APLF: variants seen among roughly 807,000 people sequenced by gnomAD.
APLF encodes the protein aprataxin and PNKP like factor, also known as aprataxin and PNK-like factor.
Under a neutral mutation model 55.6 loss-of-function variants are expected in APLF, and 61 were observed. That is an observed-to-expected ratio of 1.10 (90% confidence interval 0.89 to 1.36). The LOEUF is 1.36. Among genes scored for constraint, APLF ranks in the 40% most tolerant of loss-of-function variants. The pLI, the probability that APLF is intolerant of heterozygous loss-of-function variation, is 0.00. For missense variants in APLF, 611 were observed against 602.5 expected (o/e 1.01, Z -0.15); for synonymous variants, 207 against 214.8 (o/e 0.96, Z 0.32).
In APLF at chr2:68,578,750, C is replaced by G; in HGVS notation, c.*728C>G. 2.0e-6 allele frequency: 2 copies of G among 985,102 alleles called. No homozygotes were observed. Among genetic ancestry groups the G allele is most frequent in the Non-Finnish European group, 2.4e-6 (2 of 829,802 alleles). The allele number at this position is 985,102 out of a possible 1,614,324, so 61.0% of individuals were successfully genotyped here. The stretch of plus-strand genomic sequence containing the variant: ...AAAGTCCTAGCTGATTATTTTAACT[C>G]TCAGTGTGCTGTCTTTATATTAAGA... On this transcript the variant is annotated 3_prime_UTR_variant, in exon 10 of 10. Transcript: ENST00000303795.
intron 3 of APLF, among the ~76,000 whole-genome samples, chr2:68,504,971 T>C (rs971542935): frequency 2.6e-5 from 4 of 152,070 alleles, no homozygotes; most frequent in Non-Finnish European, 5.9e-5. Context: ...ACATATTCTG[T>C]GTCTTGTTAA....
intron 1 of APLF, among the ~76,000 whole-genome samples, chr2:68,478,422 A>G (rs1157786238): frequency 6.6e-6 from 1 of 152,242 alleles, no homozygotes; most frequent in Non-Finnish European, 1.5e-5. Context: ...GAGGCTTGCT[A>G]TAAGAAAAAC....
In APLF at chr2:68,579,972, A is replaced by C; in HGVS notation, c.*1950A>C. ...TATATTTCAATAAATCTGTCACAAA[A>C]AAGTAATGCAAAGGGTAATACCAGT... On this transcript the variant is annotated 3_prime_UTR_variant, in exon 10 of 10. Transcript: ENST00000303795. 1 of 866,282 alleles carries C rather than the reference A, an allele frequency of 1.2e-6. No homozygotes were observed. The highest frequency in any genetic ancestry group is 1.4e-6 in the Non-Finnish European group (1 of 721,418). The allele number at this position is 866,282 out of a possible 1,614,324, so 53.7% of individuals were successfully genotyped here.
intron 6 of APLF, among the ~76,000 whole-genome samples, chr2:68,533,633 C>T (rs1670317174): frequency 6.6e-6 from 1 of 152,086 alleles, no homozygotes; most frequent in African/African-American, 2.4e-5. Flanking sequence ...TCTGTGATAG[C>T]TTTACTCGTG....
In APLF at chr2:68,579,093, A is replaced by G. The variant is rs1485660211; in HGVS notation, c.*1071A>G. ...AATCATAAATCACTAAGCCAAAAGA[A>G]TCTTTGTTAAATGCTATTATTTTCT... On this transcript the variant is annotated 3_prime_UTR_variant, in exon 10 of 10. Transcript: ENST00000303795. 4.1e-6 allele frequency: 4 copies of G among 974,820 alleles called. No individual in the cohort carries two copies. The highest frequency in any genetic ancestry group is 4.9e-6 in the Non-Finnish European group (4 of 820,332). 60.4% of individuals were successfully genotyped at this position (974,820 alleles called of 1,614,324 possible).
chr2:68,506,606 T>C (rs1277955804), intron 3 of APLF, among the ~76,000 whole-genome samples: 3 of 151,944 alleles, frequency 2.0e-5, no homozygotes, highest in African/African-American at 7.2e-5. Flanking sequence ...GATGAAGAAA[T>C]TGGGACACAG....
Position 68,578,637 on chromosome 2 carries a change from G to A in APLF, c.*615G>A, listed in dbSNP as rs1394513608. 4.1e-6 allele frequency: 4 copies of A among 985,160 alleles called. No homozygotes were observed. In the African/African-American group the frequency reaches 7.0e-5, roughly 17 times the overall value. The allele number at this position is 985,160 out of a possible 1,614,324, so 61.0% of individuals were successfully genotyped here. A position where few individuals can be genotyped will look rare whatever the true frequency, so the allele number is the denominator to read the frequency against. On this transcript the variant is annotated 3_prime_UTR_variant, in exon 10 of 10. Coordinates refer to ENST00000303795, the MANE Select transcript of APLF (RefSeq NM_173545.3). ...GAGAAATGTTCACCATGTAGGGAAT[G>A]TTATTTTGTGTTCCACATCTGCAAT...
intron 6 of APLF, among the ~76,000 whole-genome samples, chr2:68,532,580 A>G (rs1488223532): frequency 1.3e-5 from 2 of 152,186 alleles, no homozygotes; most frequent in Non-Finnish European, 1.5e-5. Flanking sequence ...TTTGGGTATA[A>G]TGAATTTTTC....
chr2:68,567,533 T>TA (rs2104068938), intron 9 of APLF, 146 bp downstream of exon 9: 1 of 678,008 alleles, frequency 1.5e-6, no homozygotes, highest in African/African-American at 1.9e-5. Flanking sequence ...TTTTCTTATA[T>TA]TAAAAAAAAA....
rs1437932113 is a variant in APLF, at chr2:68,545,209, C to T, written c.1183C>T (p.His395Tyr). The part of the protein sequence containing the change: ...CYRKNPVHFQ[H>Y]FSHPGDSDYG... ...TAGGAAGAATCCTGTTCATTTTCAA[C>T]ATTTTAGCCATCCTGGTGATAGTGA... Residue 395 changes from histidine to tyrosine, a missense_variant, in exon 8 of 10, where the codon CAT becomes TAT. By Grantham distance (83) the His-to-Tyr change is moderately conservative. Transcript: ENST00000303795. The T allele has an allele frequency of 6.2e-7, 1 of 1,613,330 alleles. No homozygotes were observed. Among genetic ancestry groups the T allele is most frequent in the Non-Finnish European group, 8.5e-7 (1 of 1,179,578 alleles).
intron 7 of APLF, among the ~76,000 whole-genome samples, chr2:68,542,597 G>A (rs111936823): frequency 0.014 from 2,101 of 152,212 alleles, 42 homozygotes; most frequent in African/African-American, 0.047. Flanking sequence ...TAACCACATT[G>A]AGATATCACC....
At chr2:68,515,620 A>T in intron 5 of APLF, 1 of 985,048 alleles carries the variant, frequency 1.0e-6, no homozygotes, top group Non-Finnish European at 1.2e-6. Flanking sequence ...GTTTTTGGGC[A>T]CTTCTCTTTG....
chr2:68,518,611 T>TAATATATCATTAATATATAATAATATGTC (rs1669748324), intron 5 of APLF, among the ~76,000 whole-genome samples: 1 of 113,268 alleles, frequency 8.8e-6, no homozygotes, highest in Non-Finnish European at 1.6e-5. Context: ...AATATATCAT[T>TAATATATCATTAATATATAATAATATGTC]AATATATCAT....
At chr2:68,499,014 TAA>T (rs201129000) in intron 2 of APLF, among the ~76,000 whole-genome samples, 1 of 147,632 alleles carries the variant, frequency 6.8e-6, no homozygotes, top group African/African-American at 2.5e-5. Context: ...CTTATTTTGT[TAA>T]AAAAAAAAGC....
chr2:68,507,457 C>G (rs1676900375), intron 3 of APLF, among the ~76,000 whole-genome samples: 1 of 151,916 alleles, frequency 6.6e-6, no homozygotes, highest in Non-Finnish European at 1.5e-5. Context: ...ACATTTAAGT[C>G]TATAGATGTC....
intron 6 of APLF, chr2:68,528,609 G>A: frequency 6.5e-7 from 1 of 1,533,888 alleles, no homozygotes; most frequent in South Asian, 1.2e-5. Flanking sequence ...GAGCTGGGCA[G>A]GTGGTCTTTA....
intron 6 of APLF, among the ~76,000 whole-genome samples, chr2:68,531,759 C>T (rs377318465): frequency 1.5e-4 from 23 of 152,220 alleles, no homozygotes; most frequent in African/African-American, 2.6e-4. Context: ...CTGTAGTATA[C>T]GTGTTTTCCT....
intron 3 of APLF, among the ~76,000 whole-genome samples, chr2:68,504,154 A>C (rs954037499): frequency 1.3e-5 from 2 of 152,150 alleles, no homozygotes; most frequent in East Asian, 3.9e-4. Flanking sequence ...GATGAATTCT[A>C]TATTCATTTT....
intron 9 of APLF, among the ~76,000 whole-genome samples, chr2:68,576,084 G>A (rs1019870523): frequency 6.6e-6 from 1 of 152,078 alleles, no homozygotes; most frequent in Non-Finnish European, 1.5e-5. Flanking sequence ...CTTTATATCT[G>A]TTTTTCTTGT....
Sources: allele counts gnomAD v4.1 joint callset (sites outside exome capture counted in the v4.1 genomes callset), GRCh38; gene constraint gnomAD v4.1.1; transcripts MANE v1.5; gene names NCBI Gene and HGNC (gene_info 2026-07-23, HGNC 2026-07-21).